UBXN7: variants seen among roughly 807,000 people sequenced by gnomAD.
UBXN7 encodes UBX domain-containing protein 7.
A neutral mutation model predicts 58.0 loss-of-function variants in UBXN7; 9 were observed. The observed-to-expected ratio is 0.16, with a 90% CI of 0.09 to 0.27. The LOEUF is 0.27. Ranked by LOEUF, UBXN7 falls within the 10% of genes least tolerant of loss-of-function variation. The pLI is 1.00. For synonymous variants in UBXN7, 208 were observed against 205.0 expected, an observed-to-expected ratio of 1.01 and a Z score of -0.12; for missense variants, 328 against 599.6, an observed-to-expected ratio of 0.55 and a Z score of 4.73.
In UBXN7 at chr3:196,356,430, G is replaced by C; in HGVS notation, c.*255C>G. 2.7e-6 allele frequency: 1 copy of C among 366,756 alleles called. No individual in the cohort carries two copies. The highest frequency in any genetic ancestry group is 4.9e-6 in the Non-Finnish European group (1 of 204,252). 22.7% of individuals were successfully genotyped at this position (366,756 alleles called of 1,614,324 possible). A position where few individuals can be genotyped will look rare whatever the true frequency, so the allele number is the denominator to read the frequency against. On this transcript the variant is annotated 3_prime_UTR_variant, in exon 11 of 11. Coordinates refer to ENST00000296328, the MANE Select transcript of UBXN7 (RefSeq NM_015562.2). ...ACACTTCAGTTTGGTCACCAGATTA[G>C]GTAAGAAAGAAAAGTGTGGGGGGAG...
chr3:196,383,922 T>C (rs1326834239), intron 5 of UBXN7, among the ~76,000 whole-genome samples: 5 of 152,024 alleles, frequency 3.3e-5, no homozygotes, highest in Admixed American at 6.6e-5. Flanking sequence ...ATTCAAAAGC[T>C]AGCAGAAGGC....
intron 3 of UBXN7, chr3:196,399,929 T>C (rs1471571601): frequency 6.6e-6 from 1 of 152,244 alleles, no homozygotes; most frequent in Non-Finnish European, 1.5e-5. Context: ...TAATGGTGCA[T>C]GCCTATAATC....
intron 4 of UBXN7, among the ~76,000 whole-genome samples, chr3:196,393,234 T>C (rs910352053): frequency 2.0e-5 from 3 of 152,234 alleles, no homozygotes; most frequent in Admixed American, 6.5e-5. Flanking sequence ...ATTCCTTTCA[T>C]TGACAGAAGT....
At chr3:196,363,152 C>G (rs1728552373) in intron 8 of UBXN7, among the ~76,000 whole-genome samples, 1 of 151,724 alleles carries the variant, frequency 6.6e-6, no homozygotes, top group African/African-American at 2.4e-5. Context: ...AACTCCTGAC[C>G]TCGGCCTCCC....
chr3:196,431,712 G>A (rs990596045), intron 1 of UBXN7: 1 of 437,626 alleles, frequency 2.3e-6, no homozygotes, highest in Non-Finnish European at 4.6e-6. Context: ...CTCAGTCCCT[G>A]AGGTCCTCCT....
At chr3:196,402,873 G>A (rs909719674) in intron 3 of UBXN7, 79 bp downstream of exon 3, 2 of 1,468,396 alleles carry the variant, frequency 1.4e-6, no homozygotes, top group Admixed American at 4.6e-5. Flanking sequence ...CTCCTAGCAA[G>A]CCTTCACATC....
chr3:196,383,579 C>G (rs1577449485), intron 5 of UBXN7, among the ~76,000 whole-genome samples: 1 of 152,126 alleles, frequency 6.6e-6, no homozygotes, highest in South Asian at 2.1e-4. Flanking sequence ...TGCAAAAGAA[C>G]AGAAATCACA....
chr3:196,369,486 T>C lies in UBXN7; in HGVS notation c.641A>G (p.Gln214Arg). 2 of 1,613,240 alleles carry C rather than the reference T, an allele frequency of 1.2e-6. No homozygotes were observed. Among genetic ancestry groups the C allele is most frequent in the Non-Finnish European group, 1.7e-6 (2 of 1,179,582 alleles). The change falls in exon 7 of 11, where the codon CAG becomes CGG. Residue 214 changes from glutamine (Q) to arginine (R), a missense_variant. Gln to Arg is a conservative substitution (Grantham distance 43). This residue lies in a region of UBXN7 where 126 missense variants were observed against 302.6 expected (regional missense o/e 0.42). Coordinates refer to ENST00000296328, the MANE Select transcript of UBXN7 (RefSeq NM_015562.2). ...WQVYHDSEEG[Q>R]RYIQFYKLGD... is the part of the protein sequence containing the mutation. ...TAACTTATAAAACTGTATGTATCTC[T>C]GACCTTCCTCACTGTCATGATAAAC...
intron 2 of UBXN7, among the ~76,000 whole-genome samples, chr3:196,404,246 A>ATGT (rs1228995773): frequency 1.7e-4 from 25 of 150,222 alleles, no homozygotes; most frequent in African/African-American, 5.4e-4. Context: ...ATATAAATTT[A>ATGT]TGTTAGCCCT....
At chr3:196,377,170 A>G (rs1729055576) in intron 5 of UBXN7, among the ~76,000 whole-genome samples, 1 of 152,214 alleles carries the variant, frequency 6.6e-6, no homozygotes, top group Non-Finnish European at 1.5e-5. Flanking sequence ...CCGTGGACAC[A>G]CAACAGTCAA....
At chr3:196,430,455 T>C (rs1035728973) in intron 1 of UBXN7, among the ~76,000 whole-genome samples, 1 of 151,994 alleles carries the variant, frequency 6.6e-6, no homozygotes, top group African/African-American at 2.4e-5. Context: ...AGTGGTATGA[T>C]CTACTCACCG....
intron 10 of UBXN7, among the ~76,000 whole-genome samples, chr3:196,359,689 G>A (rs1728453135): frequency 6.6e-6 from 1 of 152,122 alleles, no homozygotes; most frequent in Non-Finnish European, 1.5e-5. Flanking sequence ...TGGATCACCT[G>A]AGGTCAGGAG....
chr3:196,373,112 T>C (rs1450821637), intron 5 of UBXN7, among the ~76,000 whole-genome samples: 3 of 152,236 alleles, frequency 2.0e-5, no homozygotes, highest in African/African-American at 7.2e-5. Context: ...TTCTTCAACA[T>C]CATTTCTGGA....
intron 1 of UBXN7, among the ~76,000 whole-genome samples, chr3:196,413,338 C>CA (rs903196872): frequency 1.3e-5 from 2 of 150,448 alleles, no homozygotes; most frequent in African/African-American, 4.9e-5. Context: ...AACTCTGTCT[C>CA]AAAAAAAAGG....
chr3:196,403,026 A>T lies in UBXN7; in HGVS notation c.222-7T>A. 1 of 1,585,142 alleles carries T rather than the reference A, an allele frequency of 6.3e-7. No individual in the cohort carries two copies. ...TGGGGCACGAACTTCTTCTCTATTA[A>T]AAAAAAATGGGAAAATAAAAAATGA... On this transcript the variant is annotated splice_region_variant and splice_polypyrimidine_tract_variant and intron_variant, in intron 2 of 10. Coordinates refer to ENST00000296328, the MANE Select transcript of UBXN7 (RefSeq NM_015562.2).
At chr3:196,385,800 TG>T (rs1281211455) in intron 5 of UBXN7, among the ~76,000 whole-genome samples, 1 of 115,312 alleles carries the variant, frequency 8.7e-6, no homozygotes, top group African/African-American at 3.5e-5. Flanking sequence ...GTGGGGGGGG[TG>T]GGGGCGCCTC....
At chr3:196,405,320 A>AT (rs1312814241) in intron 2 of UBXN7, among the ~76,000 whole-genome samples, 1 of 151,654 alleles carries the variant, frequency 6.6e-6, no homozygotes, top group Non-Finnish European at 1.5e-5. Flanking sequence ...AAATAAGAAA[A>AT]TTAGCCGGGC....
chr3:196,358,877 T>A (rs996396314), intron 10 of UBXN7, among the ~76,000 whole-genome samples: 1 of 151,418 alleles, frequency 6.6e-6, no homozygotes, highest in African/African-American at 2.4e-5. Flanking sequence ...CCCAGGCTGG[T>A]CTCAAACTCC....
intron 5 of UBXN7, among the ~76,000 whole-genome samples, chr3:196,385,807 G>A (rs1470101964): frequency 1.4e-5 from 2 of 144,802 alleles, no homozygotes; most frequent in Non-Finnish European, 1.5e-5. Flanking sequence ...GGGTGGGGGC[G>A]CCTCTGCCCG....
Sources: allele counts gnomAD v4.1 joint callset (sites outside exome capture counted in the v4.1 genomes callset), GRCh38; gene constraint gnomAD v4.1.1; regional missense constraint gnomAD v4.1.1; transcripts MANE v1.5; gene names NCBI Gene and HGNC (gene_info 2026-07-23, HGNC 2026-07-21).